Variants in PDPR observed in about 807,000 individuals in gnomAD.
PDPR encodes the protein pyruvate dehydrogenase phosphatase regulatory subunit, mitochondrial.
Under a neutral mutation model 102.2 loss-of-function variants are expected in PDPR, and 50 were observed. The ratio of observed to expected loss-of-function variants is 0.49; its 90% CI spans 0.39 to 0.62. PDPR has a LOEUF of 0.62. Ranked by LOEUF, PDPR falls within the 20% of genes least tolerant of loss-of-function variation. PDPR has a pLI of 0.00. For missense variants in PDPR, 625 were observed against 1,098.2 expected, an observed-to-expected ratio of 0.57 and a Z score of 6.09; for synonymous variants, 259 against 406.0, an observed-to-expected ratio of 0.64 and a Z score of 4.35.
chr16:70,125,552 C>T (rs1036932173), intron 3 of PDPR, among the ~76,000 whole-genome samples: 1 of 106,840 alleles, frequency 9.4e-6, no homozygotes, highest in Non-Finnish European at 1.8e-5. Flanking sequence ...AACTGCGTCT[C>T]AAAAAAAAAA....
At chr16:70,137,339 G>C (rs1280226783) in intron 10 of PDPR, among the ~76,000 whole-genome samples, 1 of 152,234 alleles carries the variant, frequency 6.6e-6, no homozygotes, top group Non-Finnish European at 1.5e-5. Flanking sequence ...CTGGGCAACA[G>C]AGCGAGACTC....
At position 70,150,164 on chromosome 16, in the gene PDPR, C is replaced by T. The variant is rs145530549; in HGVS notation, c.2052+1611C>T. 2.7e-4 allele frequency among the ~76,000 whole-genome samples: 37 copies of T among 138,066 alleles called. 1 individual carries two copies. Among genetic ancestry groups the T allele is most frequent in the African/African-American group, 9.5e-4 (35 of 36,790 alleles). The allele number at this position is 138,066 out of a possible 152,430, so 90.6% of individuals were successfully genotyped here. A position where few individuals can be genotyped will look rare whatever the true frequency, so the allele number is the denominator to read the frequency against. On this transcript the variant is annotated intron_variant, in intron 17 of 18. Coordinates refer to ENST00000288050, the MANE Select transcript of PDPR (RefSeq NM_017990.5). ...TGTCCCCCAGGCTGGAGTGCGATGA[C>T]ATGATCTAGGCTCACCGCAACCTCT...
chr16:70,162,982 G>A (rs1334149030), downstream of PDPR, among the ~76,000 whole-genome samples: 6 of 152,236 alleles, frequency 3.9e-5, no homozygotes, highest in South Asian at 2.1e-4. Context: ...GCAGAGTCTT[G>A]CTCTTTTGCC....
At chr16:70,122,741 A>C (rs1963458756) in intron 3 of PDPR, among the ~76,000 whole-genome samples, 2 of 152,238 alleles carry the variant, frequency 1.3e-5, no homozygotes. Flanking sequence ...ATGGTTGACA[A>C]ATGGTGATTT....
chr16:70,134,933 G>C (rs2911105), intron 9 of PDPR, among the ~76,000 whole-genome samples: 5 of 152,318 alleles, frequency 3.3e-5, no homozygotes, highest in South Asian at 2.1e-4. Context: ...ACTTTTAAAA[G>C]TGGATAGAAG....
chr16:70,130,624 TTG>T, intron 7 of PDPR, 80 bp downstream of exon 7: 2 of 1,554,134 alleles, frequency 1.3e-6, no homozygotes, highest in East Asian at 4.5e-5. Context: ...AAGATTAGTA[TTG>T]TGATTGGTTA....
At chr16:70,162,601 A>G (rs1967895271), downstream of PDPR, 1 of 152,584 alleles carries the variant, frequency 6.6e-6, no homozygotes, top group Non-Finnish European at 1.5e-5. Flanking sequence ...ACAAAGCATA[A>G]ACAGCGTGCA....
intron 7 of PDPR, 96 bp downstream of exon 7, chr16:70,130,640 A>G (rs1964449178): frequency 2.0e-6 from 3 of 1,478,200 alleles, no homozygotes; most frequent in Middle Eastern, 1.8e-4. Flanking sequence ...TTGGTTATAC[A>G]GATATCAGTA....
In PDPR at chr16:70,156,985, C is replaced by T. The variant is rs1323711736; in HGVS notation, c.*106C>T. The T allele has an allele frequency of 1.8e-4, 259 of 1,448,818 alleles. No homozygotes were observed. Among genetic ancestry groups the T allele is most frequent in the Non-Finnish European group, 2.2e-4 (230 of 1,055,386 alleles). The allele number at this position is 1,448,818 out of a possible 1,614,324, so 89.7% of individuals were successfully genotyped here. A position where few individuals can be genotyped will look rare whatever the true frequency, so the allele number is the denominator to read the frequency against. On this transcript the variant is annotated 3_prime_UTR_variant, in exon 19 of 19. Coordinates refer to ENST00000288050, the MANE Select transcript of PDPR (RefSeq NM_017990.5). ...TCTGTTCCTCTTCTGGAGCCTTTGC[C>T]TCCCATCTCTTATCTCCTTGATATA...
At chr16:70,119,837 C>G (rs989016668) in intron 2 of PDPR, among the ~76,000 whole-genome samples, 1 of 150,804 alleles carries the variant, frequency 6.6e-6, no homozygotes, top group South Asian at 2.1e-4. Context: ...AGGGACTTCC[C>G]CATTCTTGTT....
chr16:70,133,801 T>G (rs549186158), intron 9 of PDPR, among the ~76,000 whole-genome samples: 1 of 152,210 alleles, frequency 6.6e-6, no homozygotes, highest in South Asian at 2.1e-4. Context: ...TGGTGCGATC[T>G]CGGCTCACCG....
At chr16:70,113,831 C>G (rs1482292163), upstream of PDPR, 1 of 148,996 alleles carries the variant, frequency 6.7e-6, no homozygotes, top group Non-Finnish European at 1.5e-5. Flanking sequence ...TTCCGATCTA[C>G]TCTGTGAGAG....
rs374608537 is a variant in PDPR at position 70,136,708 on chromosome 16, T to A, written c.1190+322T>A. 3.1e-4 allele frequency among the ~76,000 whole-genome samples: 47 copies of A among 152,308 alleles called. No individual in the cohort carries two copies. The South Asian group carries it at 9.6e-3, about 31-fold the overall frequency. On this transcript the variant is annotated intron_variant, in intron 10 of 18. Transcript: ENST00000288050. ...TGTGTATTTGAGTTTGGTAGCCAAG[T>A]ATGTTGATTGAGGTAGGTATTTGAA...
At chr16:70,130,356 C>G in intron 6 of PDPR, 67 bp from the exon 7 acceptor site, 2 of 1,558,720 alleles carry the variant, frequency 1.3e-6, no homozygotes, top group Non-Finnish European at 1.8e-6. Flanking sequence ...GGGTGGAGAA[C>G]CTGCTGCACA....
rs1167948884 is a variant in PDPR, at chr16:70,157,336, C to A, written c.*457C>A. 5.2e-6 allele frequency: 2 copies of A among 385,176 alleles called. No individual in the cohort carries two copies. Among genetic ancestry groups the A allele is most frequent in the Admixed American group, 6.5e-5 (2 of 30,870 alleles). 23.9% of individuals were successfully genotyped at this position (385,176 alleles called of 1,614,324 possible). ...GGGGTTGCCGTGTGTCGGATGCAGC[C>A]CTGAGGGGCAGCTCGTGCCTGCAGC... On this transcript the variant is annotated 3_prime_UTR_variant, in exon 19 of 19. Transcript: ENST00000288050.
rs1369683674 is a variant in PDPR at position 70,156,898 on chromosome 16, ACCT to A, written c.*25_*27del. 4 of 1,609,070 alleles carry A rather than the reference ACCT, an allele frequency of 2.5e-6. No individual in the cohort carries two copies. The highest frequency in any genetic ancestry group is 3.4e-5 in the Admixed American group (2 of 59,026). On this transcript the variant is annotated 3_prime_UTR_variant, in exon 19 of 19. Transcript: ENST00000288050. Reference sequence around the variant, plus strand: ...GAAGTGATGCCACCAGGGCAGCCTCACCTCCTCCCCATCATCTTGTCCTAGAGT... The same window carrying A: ...GAAGTGATGCCACCAGGGCAGCCTCACCTCCCCATCATCTTGTCCTAGAGT...
chr16:70,141,983 C>T (rs879777132), intron 11 of PDPR, among the ~76,000 whole-genome samples: 4 of 152,240 alleles, frequency 2.6e-5, no homozygotes, highest in Non-Finnish European at 4.4e-5. Flanking sequence ...GCCTGTAATC[C>T]CAGCTACTCG....
At chr16:70,154,419 G>A (rs984786851) in intron 18 of PDPR, among the ~76,000 whole-genome samples, 1 of 152,260 alleles carries the variant, frequency 6.6e-6, no homozygotes, top group Admixed American at 6.5e-5. Context: ...CAAGGCAGGA[G>A]GATCACTTGA....
In PDPR at chr16:70,153,421, A is replaced by G. The variant is rs1358102930; in HGVS notation, c.2083A>G (p.Ser695Gly). ...YALHVYNEVM[S>G]VGQKYGIRNA... ...CCTGCATGTATACAATGAAGTGATG[A>G]GTGTTGGCCAGAAATACGGAATCCG... The change falls in exon 18 of 19, where the codon AGT becomes GGT. Residue 695 changes from serine (S) to glycine (G), a missense_variant. Around this residue, in one of 11 missense-constraint regions of PDPR, gnomAD observed 303 missense variants for 258.9 expected, o/e 1.17. Transcript: ENST00000288050. The G allele has an allele frequency of 6.2e-7, 1 of 1,613,738 alleles. No individual in the cohort carries two copies. Among genetic ancestry groups the G allele is most frequent in the Non-Finnish European group, 8.5e-7 (1 of 1,179,836 alleles).
Sources: gnomAD v4.1 joint callset for allele counts (sites outside exome capture counted in the v4.1 genomes callset) on GRCh38, gnomAD v4.1.1 for gene constraint, gnomAD v4.1.1 regional missense constraint, MANE v1.5 for transcripts, NCBI Gene and HGNC (gene_info 2026-07-23, HGNC 2026-07-21) for gene names.